Variants in GHRL observed in about 807,000 individuals in gnomAD.
The protein encoded by GHRL is appetite-regulating hormone.
In GHRL, 24 loss-of-function variants were observed where a neutral mutation model predicts 16.9. That is an observed-to-expected ratio of 1.42 (90% CI 1.03 to 2.00). The LOEUF (loss-of-function observed/expected upper bound fraction) is 2.00. GHRL is among the 30% of genes most tolerant of loss of function. The pLI, the probability that GHRL is intolerant of heterozygous loss-of-function variation, is 0.00. For missense variants in GHRL, 193 were observed against 142.1 expected (o/e 1.36, Z -1.82); for synonymous variants, 63 against 58.2 (o/e 1.08, Z -0.37).
In GHRL at chr3:10,290,740, C is replaced by A. The variant is rs1699887566; in HGVS notation, c.-54G>T. 4.0e-6 allele frequency: 4 copies of A among 998,312 alleles called. No homozygotes were observed. Among genetic ancestry groups the A allele is most frequent in the Non-Finnish European group, 4.8e-6 (4 of 838,046 alleles). 61.8% of individuals were successfully genotyped at this position (998,312 alleles called of 1,614,324 possible). ...CCTGCAGTTCCTGGCGGAGGTGGTG[C>A]CTGGTGGCTGTCAGGTCCTTATATA... On this transcript the variant is annotated 5_prime_UTR_variant, in exon 2 of 6. Coordinates refer to ENST00000335542, the MANE Select transcript of GHRL (RefSeq NM_016362.5).
Position 10,289,814 on chromosome 3 carries a change from C to T in GHRL, c.173G>A (p.Arg58His), listed in dbSNP as rs567867101. 4.3e-5 allele frequency: 69 copies of T among 1,613,762 alleles called. No individual in the cohort carries two copies. The highest frequency in any genetic ancestry group is 1.3e-4 in the East Asian group (6 of 44,866). The change falls in exon 4 of 6, where the codon CGC becomes CAC. Residue 58 changes from arginine to histidine, a missense_variant. Arg to His is a conservative substitution (Grantham distance 29). Transcript: ENST00000335542. ...TTCTGCTTGACCTCCATCTTCCGGG[C>T]GGAGCCAGCCTGCTAGAGCTCGGGG... ...LQPRALAGWL[R>H]PEDGGQAEGA...
Position 10,290,808 on chromosome 3 carries a change from G to A in GHRL, c.-122C>T, listed in dbSNP as rs1574839537. 2 of 987,792 alleles carry A rather than the reference G, an allele frequency of 2.0e-6. No homozygotes were observed. The highest frequency in any genetic ancestry group is 1.7e-5 in the African/African-American group (1 of 57,420). The allele number at this position is 987,792 out of a possible 1,614,324, so 61.2% of individuals were successfully genotyped here. A position where few individuals can be genotyped will look rare whatever the true frequency, so the allele number is the denominator to read the frequency against. ...TCTAAACCAGCAACCCCATCCCAGAGGTGGCCTAGCTTCCGTGGGGCTGAT... is the reference window on the plus strand; with the variant it reads ...TCTAAACCAGCAACCCCATCCCAGAAGTGGCCTAGCTTCCGTGGGGCTGAT... On this transcript the variant is annotated 5_prime_UTR_variant, in exon 2 of 6. Coordinates refer to ENST00000335542, the MANE Select transcript of GHRL (RefSeq NM_016362.5).
Position 10,285,813 on chromosome 3 carries a change from C to T in GHRL, c.*62G>A, listed in dbSNP as rs1174660146. 4.2e-5 allele frequency: 60 copies of T among 1,415,158 alleles called. No individual in the cohort carries two copies. The highest frequency in any genetic ancestry group is 6.0e-5 in the Non-Finnish European group (60 of 999,100). 87.7% of individuals were successfully genotyped at this position (1,415,158 alleles called of 1,614,324 possible). Reference sequence around the variant, plus strand: ...ACAGTCGTGGGAGTTGCTGCAGAAGCAAGCGAAAAGCCAGATGAGCGCTTC... The same window carrying T: ...ACAGTCGTGGGAGTTGCTGCAGAAGTAAGCGAAAAGCCAGATGAGCGCTTC... On this transcript the variant is annotated 3_prime_UTR_variant, in exon 6 of 6. Transcript: ENST00000335542.
chr3:10,288,956 A>G (rs1302787902), intron 4 of GHRL, among the ~76,000 whole-genome samples: 2 of 152,136 alleles, frequency 1.3e-5, no homozygotes, highest in Non-Finnish European at 2.9e-5. Flanking sequence ...AGTGGGAGTA[A>G]TGCCAGCCCT....
intron 4 of GHRL, among the ~76,000 whole-genome samples, chr3:10,289,319 G>A (rs906430923): frequency 2.0e-5 from 3 of 152,146 alleles, no homozygotes; most frequent in African/African-American, 4.8e-5. Context: ...CTGGGCTGGC[G>A]CCAGCCCTCC....
chr3:10,289,138 C>T (rs55821288), intron 4 of GHRL, among the ~76,000 whole-genome samples: 29,779 of 152,228 alleles, frequency 0.2, 4,168 homozygotes, highest in East Asian at 0.67. Context: ...ATTCCCTGAA[C>T]CACAGCCACA....
At chr3:10,286,485 A>G (rs1166310932) in intron 5 of GHRL, among the ~76,000 whole-genome samples, 1 of 152,256 alleles carries the variant, frequency 6.6e-6, no homozygotes, top group Non-Finnish European at 1.5e-5. Context: ...TAGTTAATGT[A>G]CTAGTTCTTA....
chr3:10,290,177 G>T lies in GHRL; in HGVS notation c.4C>A (p.Pro2Thr), dbSNP rs962318703. 2 of 1,610,100 alleles carry T rather than the reference G, an allele frequency of 1.2e-6. No homozygotes were observed. The highest frequency in any genetic ancestry group is 2.7e-5 in the African/African-American group (2 of 74,898). The stretch of plus-strand genomic sequence containing the variant: ...AGGCTGCAGACGGTCCCTGGGGAGG[G>T]CATGGCCTCAGCTGGGTTGCAGACA... Reference protein sequence around the residue: MPSPGTVCSLLL... With the variant: MTSPGTVCSLLL... Residue 2 changes from proline to threonine, a missense_variant, in exon 3 of 6, where the codon CCC (proline) becomes ACC (threonine). Physicochemically the swap from Pro to Thr is conservative, Grantham distance 38. Coordinates refer to ENST00000335542, the MANE Select transcript of GHRL (RefSeq NM_016362.5).
chr3:10,286,335 G>C (rs1699060150), intron 5 of GHRL, among the ~76,000 whole-genome samples: 1 of 152,126 alleles, frequency 6.6e-6, no homozygotes, highest in South Asian at 2.1e-4. Context: ...GTGCTATTTT[G>C]GCACCAATTC....
At chr3:10,292,257 C>G (rs1367298518) in intron 1 of GHRL, 1 of 152,330 alleles carries the variant, frequency 6.6e-6, no homozygotes. Context: ...CCATGGATCT[C>G]TTGACTCCTA....
rs769018720 is a variant in GHRL, at chr3:10,290,128, A to G, written c.53T>C (p.Leu18Pro). Residue 18 changes from leucine to proline, a missense_variant, in exon 3 of 6, where the codon CTG (leucine) becomes CCG (proline). Coordinates refer to ENST00000335542, the MANE Select transcript of GHRL (RefSeq NM_016362.5). ...CSLLLLGMLWLDLAMAGSSFL... is the reference protein window; with the variant it reads ...CSLLLLGMLWPDLAMAGSSFL... ...GCTGGAGCCTGCCATGGCCAAGTCC[A>G]GCCAGAGCATGCCGAGGAGCAGGAG... is the stretch of plus-strand genomic sequence containing the variant. 4 of 1,613,516 alleles carry G rather than the reference A, an allele frequency of 2.5e-6. No individual in the cohort carries two copies. The highest frequency in any genetic ancestry group is 3.4e-6 in the Non-Finnish European group (4 of 1,179,896).
chr3:10,289,305 G>A (rs1224392873), intron 4 of GHRL, among the ~76,000 whole-genome samples: 1 of 152,090 alleles, frequency 6.6e-6, no homozygotes, highest in African/African-American at 2.4e-5. Flanking sequence ...GTGGGTGCCG[G>A]AGCCTGGGCT....
chr3:10,288,805 C>T (rs950169018), intron 4 of GHRL, among the ~76,000 whole-genome samples: 5 of 152,340 alleles, frequency 3.3e-5, no homozygotes, highest in African/African-American at 1.2e-4. Flanking sequence ...CCACTGTGCG[C>T]TGTCTCTGTC....
At chr3:10,288,101 A>C (rs1699359228) in intron 4 of GHRL, 1 of 152,284 alleles carries the variant, frequency 6.6e-6, no homozygotes, top group East Asian at 1.9e-4. Context: ...GCTGTGGTGC[A>C]GGCAAGTGAG....
Position 10,288,582 on chromosome 3 carries a change from G to T in GHRL, c.225+1180C>A, listed in dbSNP as rs143729751. On this transcript the variant is annotated intron_variant, in intron 4 of 5. Transcript: ENST00000335542. ...AAAATATCCTGGTTTTGGCCTAAGG[G>T]TATGCAGCTCTTTCAGATGAGAATC... Among the ~76,000 whole-genome samples, 1,024 of 152,364 alleles carry T rather than the reference G, an allele frequency of 6.7e-3. 9 individuals carry two copies. The highest frequency in any genetic ancestry group is 9.4e-3 in the Non-Finnish European group (638 of 68,042).
chr3:10,291,106 G>A lies in GHRL; in HGVS notation c.-420C>T. ...GGTAAAATGAGGCTGTCATCACTAGGAGAGCTCTGAGACCTCCCCAGTCCA... is the reference window on the plus strand; with the variant it reads ...GGTAAAATGAGGCTGTCATCACTAGAAGAGCTCTGAGACCTCCCCAGTCCA... On this transcript the variant is annotated 5_prime_UTR_variant, in exon 2 of 6. Coordinates refer to ENST00000335542, the MANE Select transcript of GHRL (RefSeq NM_016362.5). 1.0e-6 allele frequency: 1 copy of A among 985,688 alleles called. No individual in the cohort carries two copies. Among genetic ancestry groups the A allele is most frequent in the Non-Finnish European group, 1.2e-6 (1 of 830,118 alleles). The allele number at this position is 985,688 out of a possible 1,614,324, so 61.1% of individuals were successfully genotyped here.
chr3:10,285,721 G>T lies in GHRL; in HGVS notation c.*154C>A. ...AGTAAAATATTAACTTTTCCTCTTT[G>T]AAATAAATTCCCATTTGGAACATCA... is the stretch of plus-strand genomic sequence containing the variant. On this transcript the variant is annotated 3_prime_UTR_variant, in exon 6 of 6. Coordinates refer to ENST00000335542, the MANE Select transcript of GHRL (RefSeq NM_016362.5). 3.3e-6 allele frequency: 2 copies of T among 600,860 alleles called. No homozygotes were observed. The highest frequency in any genetic ancestry group is 6.1e-6 in the Non-Finnish European group (2 of 327,528). The allele number at this position is 600,860 out of a possible 1,614,324, so 37.2% of individuals were successfully genotyped here.
chr3:10,291,013 G>A lies in GHRL; in HGVS notation c.-327C>T. 1 of 985,582 alleles carries A rather than the reference G, an allele frequency of 1.0e-6. No homozygotes were observed. The highest frequency in any genetic ancestry group is 1.2e-6 in the Non-Finnish European group (1 of 829,950). The allele number at this position is 985,582 out of a possible 1,614,324, so 61.1% of individuals were successfully genotyped here. A position where few individuals can be genotyped will look rare whatever the true frequency, so the allele number is the denominator to read the frequency against. On this transcript the variant is annotated 5_prime_UTR_variant, in exon 2 of 6. Transcript: ENST00000335542. ...GCCCTGGTGGAGGAGGGAGGGAGGA[G>A]AGTGGCTCTGGGGTCTGGGTGCAGC...
rs948338968 is a variant in GHRL, at chr3:10,291,515, C to T, written c.-765-64G>A. The T allele has an allele frequency of 2.2e-5, 21 of 953,812 alleles. No homozygotes were observed. In the East Asian group the frequency reaches 4.6e-4, roughly 21 times the overall value. The allele number at this position is 953,812 out of a possible 1,614,324, so 59.1% of individuals were successfully genotyped here. ...CCTCTCTCATTGACTGGCCTTACGCCGACCACAAATAATTCCCCTTACCCA... is the reference window on the plus strand; with the variant it reads ...CCTCTCTCATTGACTGGCCTTACGCTGACCACAAATAATTCCCCTTACCCA... On this transcript the variant is annotated intron_variant, in intron 1 of 5. Coordinates refer to ENST00000335542, the MANE Select transcript of GHRL (RefSeq NM_016362.5).
Sources: allele counts gnomAD v4.1 joint callset (sites outside exome capture counted in the v4.1 genomes callset), GRCh38; gene constraint gnomAD v4.1.1; transcripts MANE v1.5; gene names NCBI Gene and HGNC (gene_info 2026-07-23, HGNC 2026-07-21).